The following LRP6 variants were observed in gnomAD, a reference collection of about 807,000 sequenced individuals.
LRP6 encodes the protein LDL receptor related protein 6, also known as low-density lipoprotein receptor-related protein 6.
Under a neutral mutation model 184.1 loss-of-function variants are expected in LRP6, and 43 were observed. The observed-to-expected ratio is 0.23, with a 90% CI of 0.18 to 0.30. The LOEUF is 0.30. Among genes scored for constraint, LRP6 ranks in the 10% least tolerant of loss-of-function variants. LRP6 has a pLI of 1.00. For synonymous variants in LRP6, 719 were observed against 684.9 expected (o/e 1.05, Z -0.78); for missense variants, 1,571 against 2,005.3 (o/e 0.78, Z 4.14).
intron 2 of LRP6, among the ~76,000 whole-genome samples, chr12:12,226,367 G>C (rs1864623805): frequency 6.6e-6 from 1 of 152,128 alleles, no homozygotes; most frequent in South Asian, 2.1e-4. Context: ...TTGAAATATG[G>C]CAAGAATATT....
chr12:12,196,304 T>C (rs538886650), intron 3 of LRP6, among the ~76,000 whole-genome samples: 1 of 152,220 alleles, frequency 6.6e-6, no homozygotes, highest in African/African-American at 2.4e-5. Context: ...ATTTTAACTA[T>C]AATAATTATT....
intron 17 of LRP6, among the ~76,000 whole-genome samples, chr12:12,133,244 T>C (rs1164374100): frequency 6.6e-6 from 1 of 152,178 alleles, no homozygotes; most frequent in African/African-American, 2.4e-5. Context: ...TGTGATATAG[T>C]TTGGATATTT....
chr12:12,224,960 T>C (rs1192996974), intron 2 of LRP6, among the ~76,000 whole-genome samples: 2 of 152,126 alleles, frequency 1.3e-5, no homozygotes, highest in Non-Finnish European at 2.9e-5. Flanking sequence ...ATCCCAGCAC[T>C]TTAGGAGGCC....
chr12:12,182,422 CT>C (rs1251789217), intron 5 of LRP6, among the ~76,000 whole-genome samples: 1 of 105,402 alleles, frequency 9.5e-6, no homozygotes, highest in African/African-American at 2.9e-5. Context: ...TGAGCTCAAT[CT>C]TTTTTTCATT....
chr12:12,192,535 C>T (rs1227752924), intron 3 of LRP6, among the ~76,000 whole-genome samples: 2 of 151,950 alleles, frequency 1.3e-5, no homozygotes, highest in Non-Finnish European at 2.9e-5. Context: ...GCACATTTTA[C>T]ATTCAAAGAT....
In LRP6 at chr12:12,133,385, G is replaced by A. The variant is rs192646726; in HGVS notation, c.3734-1328C>T. ...CCTCCTGATAGTAAATGAATTCTTG[G>A]GAGAGCTGGTTGTTTAAAAGTGTGT... is the stretch of plus-strand genomic sequence containing the variant. On this transcript the variant is annotated intron_variant, in intron 17 of 22. Transcript: ENST00000261349. 1.5e-3 allele frequency among the ~76,000 whole-genome samples: 224 copies of A among 152,054 alleles called. 2 individuals are homozygous for A. Among genetic ancestry groups the A allele is most frequent in the Non-Finnish European group, 2.4e-3 (164 of 68,008 alleles).
At chr12:12,141,805 G>T (rs1949937898) in intron 15 of LRP6, among the ~76,000 whole-genome samples, 1 of 152,168 alleles carries the variant, frequency 6.6e-6, no homozygotes. Context: ...AGAAAGAAAT[G>T]TACCTAACAG....
At chr12:12,259,535 C>G (rs1865559535) in intron 1 of LRP6, among the ~76,000 whole-genome samples, 1 of 152,028 alleles carries the variant, frequency 6.6e-6, no homozygotes, top group Non-Finnish European at 1.5e-5. Context: ...TAATTTTCAC[C>G]GAAGAGTCCA....
At chr12:12,162,930 C>T (rs775189146) in intron 9 of LRP6, among the ~76,000 whole-genome samples, 4 of 151,946 alleles carry the variant, frequency 2.6e-5, no homozygotes, top group Admixed American at 1.3e-4. Context: ...ACGTTTTGTC[C>T]GTAGATTTTG....
intron 1 of LRP6, among the ~76,000 whole-genome samples, chr12:12,247,486 A>C (rs150072943): frequency 6.6e-6 from 1 of 152,306 alleles, no homozygotes; most frequent in African/African-American, 2.4e-5. Context: ...CCCTCCTGAA[A>C]ACGGGTGAAG....
At chr12:12,265,682 T>C (rs1380647552) in intron 1 of LRP6, among the ~76,000 whole-genome samples, 1 of 152,202 alleles carries the variant, frequency 6.6e-6, no homozygotes, top group Non-Finnish European at 1.5e-5. Context: ...CCTCTGCTGG[T>C]AAATGCTCCA....
chr12:12,141,824 T>C (rs1949938075), intron 15 of LRP6, among the ~76,000 whole-genome samples: 1 of 152,212 alleles, frequency 6.6e-6, no homozygotes. Flanking sequence ...AGTAATATGT[T>C]CATAGCCATA....
At chr12:12,176,148 G>A (rs1406284356) in intron 7 of LRP6, among the ~76,000 whole-genome samples, 7 of 152,182 alleles carry the variant, frequency 4.6e-5, no homozygotes, top group African/African-American at 1.7e-4. Flanking sequence ...TATTCTTTCT[G>A]CTAATGCTTT....
chr12:12,215,945 G>C (rs1008883328), intron 2 of LRP6, among the ~76,000 whole-genome samples: 2 of 152,024 alleles, frequency 1.3e-5, no homozygotes, highest in South Asian at 4.2e-4. Flanking sequence ...CCACAAGGCA[G>C]AGGTTGCAGT....
intron 2 of LRP6, among the ~76,000 whole-genome samples, chr12:12,241,189 A>G (rs1457437489): frequency 6.6e-6 from 1 of 152,188 alleles, no homozygotes; most frequent in African/African-American, 2.4e-5. Flanking sequence ...AGAGAGCTCA[A>G]TCAGCTCTTG....
At chr12:12,223,384 T>C (rs1201648308) in intron 2 of LRP6, among the ~76,000 whole-genome samples, 1 of 152,232 alleles carries the variant, frequency 6.6e-6, no homozygotes, top group Non-Finnish European at 1.5e-5. Context: ...TTGGGAATGA[T>C]GGCTAAGGTA....
intron 1 of LRP6, among the ~76,000 whole-genome samples, chr12:12,261,164 T>TA (rs1482595606): frequency 5.3e-5 from 8 of 152,140 alleles, no homozygotes; most frequent in Non-Finnish European, 1.0e-4. Context: ...CTCACGCCTG[T>TA]AATCCCAACA....
At position 12,120,312 on chromosome 12, in the gene LRP6, T is replaced by G. The variant is rs1357870931; in HGVS notation, c.*814A>C. On this transcript the variant is annotated 3_prime_UTR_variant, in exon 23 of 23. Transcript: ENST00000261349. ...TAAAATCAAGTTTAATTTAGAAAAT[T>G]CCATTTAGTCAATGCTTCAGCTTAA... 2 of 151,890 alleles carry G rather than the reference T, an allele frequency of 1.3e-5. No homozygotes were observed. The highest frequency in any genetic ancestry group is 2.9e-5 in the Non-Finnish European group (2 of 67,960). The allele number at this position is 151,890 out of a possible 1,614,324, so 9.4% of individuals were successfully genotyped here.
At chr12:12,166,118 G>A (rs553990067) in intron 7 of LRP6, among the ~76,000 whole-genome samples, 6 of 152,016 alleles carry the variant, frequency 3.9e-5, no homozygotes, top group Admixed American at 3.9e-4. Context: ...TTTTTGGGGG[G>A]GTAGGAGCAG....
Sources: gnomAD v4.1 joint callset for allele counts (sites outside exome capture counted in the v4.1 genomes callset) on GRCh38, gnomAD v4.1.1 for gene constraint, MANE v1.5 for transcripts, NCBI Gene and HGNC (gene_info 2026-07-23, HGNC 2026-07-21) for gene names.